ZNF311: variants seen among roughly 807,000 people sequenced by gnomAD.
The protein encoded by ZNF311 is zinc finger protein 311, also known as zinc finger protein zfp31.
A neutral mutation model predicts 22.7 loss-of-function variants in ZNF311; 14 were observed. That is an observed-to-expected ratio of 0.62 (90% CI 0.41 to 0.96). The LOEUF is 0.96. Among genes scored for constraint, ZNF311 ranks in the 40% least tolerant of loss-of-function variants. ZNF311 has a pLI of 0.00. For missense variants in ZNF311, 731 were observed against 799.0 expected (o/e 0.91, Z 1.03); for synonymous variants, 250 against 275.3 (o/e 0.91, Z 0.91).
intron 3 of ZNF311, among the ~76,000 whole-genome samples, chr6:29,001,697 T>A (rs1420196107): frequency 1.3e-5 from 2 of 152,250 alleles, no homozygotes; most frequent in Non-Finnish European, 2.9e-5. Context: ...ATAGTAAATA[T>A]CCATATACCA....
At chr6:28,997,378 G>A (rs1007999276) in intron 6 of ZNF311, among the ~76,000 whole-genome samples, 3 of 152,304 alleles carry the variant, frequency 2.0e-5, no homozygotes, top group East Asian at 3.9e-4. Context: ...TAGGTCCCAT[G>A]ACACATCCTG....
intron 3 of ZNF311, 34 bp from the exon 4 acceptor site, chr6:29,000,081 A>G (rs754464653): frequency 1.9e-6 from 3 of 1,582,198 alleles, no homozygotes; most frequent in Non-Finnish European, 1.7e-6. Context: ...GAGTCAATAT[A>G]GCACAGTATT....
intron 3 of ZNF311, among the ~76,000 whole-genome samples, chr6:29,001,912 C>T (rs1158905517): frequency 6.6e-6 from 1 of 152,072 alleles, no homozygotes; most frequent in African/African-American, 2.4e-5. Context: ...CCTTCTTTTT[C>T]GAGGTAAAAT....
In ZNF311 at chr6:28,995,407, C is replaced by A; in HGVS notation, c.1595G>T (p.Cys532Phe). 1.2e-6 allele frequency: 2 copies of A among 1,614,170 alleles called. No homozygotes were observed. The highest frequency in any genetic ancestry group is 8.5e-7 in the Non-Finnish European group (1 of 1,180,044). Residue 532 changes from cysteine to phenylalanine, a missense_variant, in exon 7 of 7, where the codon TGT (cysteine) becomes TTT (phenylalanine). By Grantham distance (205) the Cys-to-Phe change is radical. Transcript: ENST00000377179. The surrounding 1 kb of genome is among the most constrained non-coding windows in gnomAD (Gnocchi z 4.7). ...TGACTTCCCACTGAAAGCTTTCCCA[C>A]ACTCTAAACATTTGTAAGGTTTCTC... ...TGEKPYKCLE[C>F]GKAFSGKSNL...
chr6:28,999,044 A>G (rs1490668582), intron 5 of ZNF311, among the ~76,000 whole-genome samples: 1 of 151,404 alleles, frequency 6.6e-6, no homozygotes, highest in Non-Finnish European at 1.5e-5. Context: ...TCAGAAGGAA[A>G]GAGAAGTTCT....
In ZNF311 at chr6:28,995,631, T is replaced by C; in HGVS notation, c.1371A>G (p.Glu457=). The stretch of plus-strand genomic sequence containing the variant: ...TGTGGATCCTTCTGTGTTTGGTGAG[T>C]TCTGCCTTGATGCTGAAGTCTTTTC... The part of the protein sequence containing the change: ...QCGKDFSIKA[E]LTKHRRIHTE... Residue 457 remains glutamate, a synonymous_variant, in exon 7 of 7, where the codon GAA becomes GAG. Transcript: ENST00000377179. The surrounding 1 kb of genome is among the most constrained non-coding windows in gnomAD (Gnocchi z 4.7). 6.2e-7 allele frequency: 1 copy of C among 1,612,948 alleles called. No homozygotes were observed. The highest frequency in any genetic ancestry group is 8.5e-7 in the Non-Finnish European group (1 of 1,179,856).
Position 28,999,942 on chromosome 6 carries a change from G to A in ZNF311, c.183+14C>T. ...GATGTATTTTCAAGGAGGAGGAAAG[G>A]GGCCTCAGCTCACTTGGGCCTGGCT... is the stretch of plus-strand genomic sequence containing the variant. On this transcript the variant is annotated intron_variant, in intron 4 of 6. Coordinates refer to ENST00000377179, the MANE Select transcript of ZNF311 (RefSeq NM_001382360.1). 6.2e-7 allele frequency: 1 copy of A among 1,609,918 alleles called. No homozygotes were observed. The highest frequency in any genetic ancestry group is 8.5e-7 in the Non-Finnish European group (1 of 1,178,258).
chr6:28,996,465 A>T lies in ZNF311; in HGVS notation c.537T>A (p.Pro179=), dbSNP rs1169572170. 1 of 1,609,044 alleles carries T rather than the reference A, an allele frequency of 6.2e-7. No individual in the cohort carries two copies. Among genetic ancestry groups the T allele is most frequent in the Non-Finnish European group, 8.5e-7 (1 of 1,180,014 alleles). Residue 179 remains proline (P), a synonymous_variant, in exon 7 of 7, where the codon CCT becomes CCA. Coordinates refer to ENST00000377179, the MANE Select transcript of ZNF311 (RefSeq NM_001382360.1). ...NSLLKVDSRD[P]KVREVCVQDV... ...CCTGAACACAAACTTCTCTAACCTT[A>T]GGATCCCGGGAATCAACTTTTAGGA...
At position 28,995,127 on chromosome 6, in the gene ZNF311, AT is replaced by A. The variant is rs759958160; in HGVS notation, c.1874del (p.Asn625IlefsTer28). 1 of 1,614,016 alleles carries A rather than the reference AT, an allele frequency of 6.2e-7. No individual in the cohort carries two copies. Among genetic ancestry groups the A allele is most frequent in the South Asian group, 1.1e-5 (1 of 91,080 alleles). Reference sequence around the variant, plus strand: ...GTTTTCTTTTCTTATGTCCAGTAAGATTTGAGCTCACTCTAAAAGCTTTTCC... The same window carrying A: ...GTTTTCTTTTCTTATGTCCAGTAAGATTGAGCTCACTCTAAAAGCTTTTCC... ...ECGKAFRVSS[N>X]LTGHKKRKHQ... On this transcript the variant is annotated frameshift_variant, in exon 7 of 7. Transcript: ENST00000377179. LOFTEE classifies it low-confidence loss of function (END_TRUNC). The surrounding 1 kb of genome is among the most constrained non-coding windows in gnomAD (Gnocchi z 4.7).
At chr6:29,001,000 T>A (rs578195673) in intron 3 of ZNF311, among the ~76,000 whole-genome samples, 6 of 152,124 alleles carry the variant, frequency 3.9e-5, no homozygotes, top group Non-Finnish European at 7.4e-5. Context: ...ATGGTCTCCA[T>A]CTCCTGACAT....
intron 6 of ZNF311, 121 bp downstream of exon 6, chr6:28,998,611 TAA>T: frequency 1.5e-6 from 1 of 652,568 alleles, no homozygotes; most frequent in Non-Finnish European, 2.6e-6. Context: ...TTCTTTTCCT[TAA>T]GTTTCCTAAA....
At chr6:29,003,111 T>C (rs1780680212) in intron 3 of ZNF311, among the ~76,000 whole-genome samples, 1 of 152,210 alleles carries the variant, frequency 6.6e-6, no homozygotes, top group African/African-American at 2.4e-5. Context: ...ATTGTATATA[T>C]TCAAATTTTA....
intron 6 of ZNF311, among the ~76,000 whole-genome samples, chr6:28,996,949 G>A (rs1156973402): frequency 6.6e-6 from 1 of 152,198 alleles, no homozygotes; most frequent in Non-Finnish European, 1.5e-5. Context: ...CAGAGGAGGT[G>A]CTGAAATGCT....
At chr6:29,003,417 A>G in intron 3 of ZNF311, 96 bp downstream of exon 3, 1 of 1,097,296 alleles carries the variant, frequency 9.1e-7, no homozygotes, top group Non-Finnish European at 1.4e-6. Context: ...TAATGAACAG[A>G]TTTTTGGGCC....
At chr6:28,998,618 C>T in intron 6 of ZNF311, 116 bp downstream of exon 6, 1 of 671,258 alleles carries the variant, frequency 1.5e-6, no homozygotes, top group Non-Finnish European at 2.5e-6. Flanking sequence ...CCTTAAGTTT[C>T]CTAAATGGGT....
intron 3 of ZNF311, 66 bp from the exon 4 acceptor site, chr6:29,000,113 C>T: frequency 1.4e-6 from 2 of 1,443,492 alleles, no homozygotes; most frequent in South Asian, 2.4e-5. Flanking sequence ...CTGCATTCGT[C>T]TTCTCTTCCT....
At chr6:28,998,568 T>A (rs1236707435) in intron 6 of ZNF311, among the ~76,000 whole-genome samples, 166 bp downstream of exon 6, 2 of 152,194 alleles carry the variant, frequency 1.3e-5, no homozygotes, top group Admixed American at 1.3e-4. Flanking sequence ...AATAACAGAA[T>A]AATTGCCCAA....
chr6:28,995,238 ACACT>A lies in ZNF311; in HGVS notation c.1760_1763del (p.Glu587ValfsTer11). 6.2e-7 allele frequency: 1 copy of A among 1,614,072 alleles called. No homozygotes were observed. Among genetic ancestry groups the A allele is most frequent in the Non-Finnish European group, 8.5e-7 (1 of 1,180,036 alleles). ...CTGAGCCCTGACGGAAGGACGTGCC[ACACT>A]CACTGCAGGTGTATGGCTTCTCACC... On this transcript the variant is annotated frameshift_variant, in exon 7 of 7. Coordinates refer to ENST00000377179, the MANE Select transcript of ZNF311 (RefSeq NM_001382360.1). LOFTEE classifies it low-confidence loss of function (END_TRUNC). The surrounding 1 kb of genome is among the most constrained non-coding windows in gnomAD (Gnocchi z 4.7).
chr6:28,997,916 A>C (rs1383257343), intron 6 of ZNF311, among the ~76,000 whole-genome samples: 1 of 152,166 alleles, frequency 6.6e-6, no homozygotes, highest in Non-Finnish European at 1.5e-5. Flanking sequence ...CAAGTTTTGT[A>C]GTTTAAATTC....
Sources: gnomAD v4.1 joint callset for allele counts (sites outside exome capture counted in the v4.1 genomes callset) on GRCh38, gnomAD v4.1.1 for gene constraint, Gnocchi (gnomAD v3.1) non-coding constraint, MANE v1.5 for transcripts, NCBI Gene and HGNC (gene_info 2026-07-23, HGNC 2026-07-21) for gene names.